The following TNRC18 variants were observed in gnomAD, a reference collection of about 807,000 sequenced individuals.
TNRC18 encodes trinucleotide repeat-containing gene 18 protein.
In TNRC18, 69 loss-of-function variants were observed where a neutral mutation model predicts 226.7. The observed-to-expected ratio is 0.30, with a 90% CI of 0.25 to 0.37. The LOEUF is 0.37. Among genes scored for constraint, TNRC18 ranks in the 10% least tolerant of loss-of-function variants. The pLI is 1.00. For synonymous variants in TNRC18, 2,449 were observed against 1,927.6 expected (o/e 1.27, Z -7.09); for missense variants, 4,754 against 4,256.6 (o/e 1.12, Z -3.25).
chr7:5,362,158 C>T (rs565519448), intron 12 of TNRC18, 125 bp from the exon 13 acceptor site: 5 of 1,164,424 alleles, frequency 4.3e-6, no homozygotes, highest in Non-Finnish European at 6.0e-6. Flanking sequence ...CGAGTCCCAC[C>T]GCTGCCACCT....
chr7:5,376,064 G>A lies in TNRC18; in HGVS notation c.2769C>T (p.Ala923=). Reference sequence around the variant, plus strand: ...GCTGGGCGCTCCTCTGCAGTTCCAAGGCCTGGGCCGCCTGCTGCTGCAGGT... The same window carrying A: ...GCTGGGCGCTCCTCTGCAGTTCCAAAGCCTGGGCCGCCTGCTGCTGCAGGT... ...FLYLQQQAAQ[A]LELQRSAQLV... The change falls in exon 9 of 30, where the codon GCC becomes GCT. Residue 923 remains alanine (A), a synonymous_variant. Transcript: ENST00000430969. The A allele has an allele frequency of 6.3e-7, 1 of 1,597,174 alleles. No individual in the cohort carries two copies. The highest frequency in any genetic ancestry group is 1.7e-5 in the Admixed American group (1 of 57,852).
chr7:5,355,057 G>A (rs546588895), intron 16 of TNRC18, among the ~76,000 whole-genome samples: 63 of 152,292 alleles, frequency 4.1e-4, no homozygotes, highest in African/African-American at 1.3e-3. Context: ...CCAGGGCCTG[G>A]GGATTCCCAG....
chr7:5,385,734 G>C (rs1198456297), intron 5 of TNRC18, among the ~76,000 whole-genome samples: 2 of 151,000 alleles, frequency 1.3e-5, no homozygotes, highest in South Asian at 4.2e-4. Flanking sequence ...AGAGCTTTGG[G>C]AGGCTGAGGC....
In TNRC18 at chr7:5,307,991, C is replaced by T. The variant is rs955630509; in HGVS notation, c.*115G>A. The T allele has an allele frequency of 2.3e-5, 22 of 972,012 alleles. No individual in the cohort carries two copies. Among genetic ancestry groups the T allele is most frequent in the South Asian group, 7.9e-5 (5 of 62,996 alleles). 60.2% of individuals were successfully genotyped at this position (972,012 alleles called of 1,614,324 possible). ...ACGTGCACACCTGGCCCCATGCACA[C>T]GCCTGCAGGAGCGCTCGCATGCACA... On this transcript the variant is annotated 3_prime_UTR_variant, in exon 30 of 30. Coordinates refer to ENST00000430969, the MANE Select transcript of TNRC18 (RefSeq NM_001080495.3).
Position 5,377,896 on chromosome 7 carries a change from C to A in TNRC18, c.2255+26G>T. 1 of 1,608,286 alleles carries A rather than the reference C, an allele frequency of 6.2e-7. No individual in the cohort carries two copies. The highest frequency in any genetic ancestry group is 1.7e-5 in the Admixed American group (1 of 59,908). ...CAGGGGCTCCTAGATACCCCCTAGA[C>A]CCTCAGGATCCCCCGACACCCTCAC... On this transcript the variant is annotated intron_variant, in intron 6 of 29. Transcript: ENST00000430969. The surrounding 1 kb of genome is among the most constrained non-coding windows in gnomAD (Gnocchi z 5.8).
rs1471984254 is a variant in TNRC18 at position 5,332,271 on chromosome 7, T to C, written c.6147+351A>G. Among the ~76,000 whole-genome samples, 3 of 152,118 alleles carry C rather than the reference T, an allele frequency of 2.0e-5. No homozygotes were observed. The East Asian group carries it at 5.8e-4, about 29-fold the overall frequency. ...GGGCAACATAGCGAGATCCCCTCTC[T>C]ACAAACAATAAATTAGCCAGGTGCA... On this transcript the variant is annotated intron_variant, in intron 19 of 29. Transcript: ENST00000430969.
At chr7:5,337,236 GA>G (rs113053048) in intron 18 of TNRC18, among the ~76,000 whole-genome samples, 84 of 134,520 alleles carry the variant, frequency 6.2e-4, no homozygotes, top group South Asian at 4.0e-3. Context: ...AGGACTCAAA[GA>G]AAAAAAAAAA....
At position 5,308,081 on chromosome 7, in the gene TNRC18, A is replaced by AGGT; in HGVS notation, c.*22_*24dup. On this transcript the variant is annotated 3_prime_UTR_variant, in exon 30 of 30. Transcript: ENST00000430969. ...GGGTCCCTGGCCGCCCTCGGGGCAC[A>AGGT]GGTGGCCCGCAGGGCCCGGCGGGCT... is the stretch of plus-strand genomic sequence containing the variant. The AGGT allele has an allele frequency of 6.5e-7, 1 of 1,539,282 alleles. No individual in the cohort carries two copies. The highest frequency in any genetic ancestry group is 8.8e-7 in the Non-Finnish European group (1 of 1,139,136).
intron 27 of TNRC18, among the ~76,000 whole-genome samples, chr7:5,311,815 CTCTTAAAAAAAAAAAAAGAA>C (rs1489458766): frequency 7.5e-6 from 1 of 132,888 alleles, no homozygotes; most frequent in African/African-American, 3.2e-5. Flanking sequence ...AAGATCCTGT[CTCTTAAAAAAAAAAAAAGAA>C]AGAAAGAAAA....
At chr7:5,397,393 A>C (rs1780769663) in intron 2 of TNRC18, among the ~76,000 whole-genome samples, 1 of 152,180 alleles carries the variant, frequency 6.6e-6, no homozygotes, top group Non-Finnish European at 1.5e-5. Context: ...CCCGCCCAGC[A>C]GCACCCAGGC....
chr7:5,375,017 A>G (rs1583970450), intron 9 of TNRC18, among the ~76,000 whole-genome samples: 1 of 152,142 alleles, frequency 6.6e-6, no homozygotes, highest in Non-Finnish European at 1.5e-5. Context: ...TCAATACACA[A>G]AACACACTAG....
At position 5,362,689 on chromosome 7, in the gene TNRC18, G is replaced by T; in HGVS notation, c.4356C>A (p.Pro1452=). The stretch of plus-strand genomic sequence containing the variant: ...TGCGCATCCAGCTGTACTTCTTGTT[G>T]GGCTTCAGCTCCCGCGGGAGCCGCA... ...KNLRLPRELK[P]NKKYSWMRKK... The change falls in exon 12 of 30, where the codon CCC becomes CCA. Residue 1452 remains proline (P), a synonymous_variant. Transcript: ENST00000430969. 1 of 1,587,882 alleles carries T rather than the reference G, an allele frequency of 6.3e-7. No homozygotes were observed. Among genetic ancestry groups the T allele is most frequent in the East Asian group, 2.3e-5 (1 of 43,726 alleles).
chr7:5,322,283 AATCATC>A (rs60369027), intron 21 of TNRC18, among the ~76,000 whole-genome samples: 6 of 149,390 alleles, frequency 4.0e-5, no homozygotes, highest in African/African-American at 1.5e-4. Flanking sequence ...CCGTCTCAAT[AATCATC>A]ATCATCATCA....
chr7:5,360,947 C>T (rs560051317), intron 14 of TNRC18, among the ~76,000 whole-genome samples: 248 of 152,300 alleles, frequency 1.6e-3, no homozygotes, highest in Non-Finnish European at 2.7e-3. Context: ...ACCCTCCTGC[C>T]CCAGGCTCCC....
chr7:5,319,118 C>T (rs920340604), intron 24 of TNRC18, among the ~76,000 whole-genome samples: 3 of 152,140 alleles, frequency 2.0e-5, no homozygotes, highest in Non-Finnish European at 2.9e-5. Flanking sequence ...CTAGGAAATC[C>T]GAATCTAAGG....
In TNRC18 at chr7:5,313,371, G is replaced by A. The variant is rs541115382; in HGVS notation, c.7520C>T (p.Ala2507Val). The A allele has an allele frequency of 3.2e-5, 50 of 1,580,158 alleles. No individual in the cohort carries two copies. Among genetic ancestry groups the A allele is most frequent in the African/African-American group, 9.4e-5 (7 of 74,214 alleles). Residue 2507 changes from alanine (A) to valine (V), a missense_variant, in exon 27 of 30, where the codon GCG becomes GTG. Ala to Val is a moderately conservative substitution (Grantham distance 64). Transcript: ENST00000430969. Reference sequence around the variant, plus strand: ...TGCCTTGGGCTCGCTGCTGCCGGCCGCGGGGGGATAGCTGCCCAGGCTCAG... The same window carrying A: ...TGCCTTGGGCTCGCTGCTGCCGGCCACGGGGGGATAGCTGCCCAGGCTCAG... ...SLLSLGSYPP[A>V]AGSSEPKAPW...
chr7:5,389,960 A>C (rs541100272), intron 4 of TNRC18: 30 of 165,312 alleles, frequency 1.8e-4, no homozygotes, highest in Non-Finnish European at 3.4e-4. Flanking sequence ...TTTGTTTTCA[A>C]AGTTGCCCGG....
At chr7:5,420,476 G>C in intron 2 of TNRC18, 1 of 451,222 alleles carries the variant, frequency 2.2e-6, no homozygotes, top group Non-Finnish European at 4.5e-6. Context: ...CCGTTCTCCC[G>C]GGGAAGAAAG....
chr7:5,421,104 G>C lies in TNRC18; in HGVS notation c.143C>G (p.Pro48Arg), dbSNP rs1782556734. The C allele has an allele frequency of 2.7e-6, 4 of 1,475,778 alleles. No homozygotes were observed. In the South Asian group the frequency reaches 5.4e-5, roughly 20 times the overall value. The allele number at this position is 1,475,778 out of a possible 1,614,324, so 91.4% of individuals were successfully genotyped here. The stretch of plus-strand genomic sequence containing the variant: ...CAGGCCGGCCATGTACTTCCCGGGC[G>C]GCAGCGGGCCGGGCAAGCCCGAGGC... Reference protein sequence around the residue: ...LPASGLPGPLPPGKYMAGLNL... With the variant: ...LPASGLPGPLRPGKYMAGLNL... Residue 48 changes from proline to arginine, a missense_variant, in exon 2 of 30, where the codon CCG becomes CGG. Coordinates refer to ENST00000430969, the MANE Select transcript of TNRC18 (RefSeq NM_001080495.3).
Sources: allele counts gnomAD v4.1 joint callset (sites outside exome capture counted in the v4.1 genomes callset), GRCh38; gene constraint gnomAD v4.1.1; non-coding constraint Gnocchi (gnomAD v3.1); transcripts MANE v1.5; gene names NCBI Gene and HGNC (gene_info 2026-07-23, HGNC 2026-07-21).